The following SLC35F1 variants were observed in gnomAD, a reference collection of about 807,000 sequenced individuals.
SLC35F1 encodes chromosome 6 open reading frame 169.
A neutral mutation model predicts 48.7 loss-of-function variants in SLC35F1; 14 were observed. The observed-to-expected ratio is 0.29, with a 90% CI of 0.19 to 0.45. The LOEUF (loss-of-function observed/expected upper bound fraction) is 0.45. Among genes scored for constraint, SLC35F1 ranks in the 20% least tolerant of loss-of-function variants. SLC35F1 has a pLI of 1.00. For synonymous variants in SLC35F1, 190 were observed against 202.2 expected (o/e 0.94, Z 0.51); for missense variants, 404 against 500.0 (o/e 0.81, Z 1.83).
At chr6:118,211,731 G>T (rs1348744090) in intron 2 of SLC35F1, among the ~76,000 whole-genome samples, 1 of 152,222 alleles carries the variant, frequency 6.6e-6, no homozygotes, top group East Asian at 1.9e-4. Context: ...AGTGATGTGA[G>T]CAGGTCATTA....
chr6:118,070,334 A>G (rs1301954055), intron 1 of SLC35F1, among the ~76,000 whole-genome samples: 1 of 152,102 alleles, frequency 6.6e-6, no homozygotes, highest in Non-Finnish European at 1.5e-5. Flanking sequence ...AGTGAGTTTT[A>G]TTTCCAAGTG....
Position 118,315,105 on chromosome 6 carries a change from C to T in SLC35F1, c.*853C>T, listed in dbSNP as rs1776415910. On this transcript the variant is annotated 3_prime_UTR_variant, in exon 8 of 8. Coordinates refer to ENST00000360388, the MANE Select transcript of SLC35F1 (RefSeq NM_001029858.4). ...CTTTCTGCTCCTCCCTGTAGCCTCTCTTCAAAAACTATCTTTTATTTTTTT... is the reference window on the plus strand; with the variant it reads ...CTTTCTGCTCCTCCCTGTAGCCTCTTTTCAAAAACTATCTTTTATTTTTTT... 1 of 152,608 alleles carries T rather than the reference C, an allele frequency of 6.6e-6. No individual in the cohort carries two copies. The highest frequency in any genetic ancestry group is 1.5e-5 in the Non-Finnish European group (1 of 68,042). The allele number at this position is 152,608 out of a possible 1,614,324, so 9.5% of individuals were successfully genotyped here.
chr6:118,173,653 G>A (rs1372355714), intron 2 of SLC35F1, among the ~76,000 whole-genome samples: 1 of 152,152 alleles, frequency 6.6e-6, no homozygotes. Context: ...ACGAAGGAGA[G>A]TAGTACAGAA....
chr6:117,992,563 A>T (rs1776932805), intron 1 of SLC35F1, among the ~76,000 whole-genome samples: 1 of 152,218 alleles, frequency 6.6e-6, no homozygotes, highest in Admixed American at 6.5e-5. Context: ...GAGAAGCCAA[A>T]TTAGGAAGTT....
intron 7 of SLC35F1, among the ~76,000 whole-genome samples, chr6:118,312,717 T>C (rs1411968337): frequency 6.6e-6 from 1 of 152,194 alleles, no homozygotes; most frequent in Non-Finnish European, 1.5e-5. Context: ...GGATACCTTT[T>C]TTTATGAGCC....
At chr6:117,954,593 C>T (rs1029857234) in intron 1 of SLC35F1, among the ~76,000 whole-genome samples, 6 of 152,184 alleles carry the variant, frequency 3.9e-5, no homozygotes, top group Admixed American at 3.9e-4. Flanking sequence ...TGAGATAATG[C>T]TACTTAATCT....
intron 1 of SLC35F1, among the ~76,000 whole-genome samples, chr6:118,154,002 C>T (rs2114467746): frequency 6.6e-6 from 1 of 152,208 alleles, no homozygotes; most frequent in Non-Finnish European, 1.5e-5. Flanking sequence ...GTACGAGAAC[C>T]TGAGGATGAG....
At position 118,269,247 on chromosome 6, in the gene SLC35F1, C is replaced by T. The variant is rs369408473; in HGVS notation, c.637+2093C>T. Among the ~76,000 whole-genome samples, 12 of 152,106 alleles carry T rather than the reference C, an allele frequency of 7.9e-5. No homozygotes were observed. The East Asian group carries it at 2.1e-3, about 27-fold the overall frequency. ...TTCCAAAGTGTCATTTTTAAAAAAA[C>T]AATGTAGATGTGGCTAAAACATACT... is the stretch of plus-strand genomic sequence containing the variant. On this transcript the variant is annotated intron_variant, in intron 4 of 7. Transcript: ENST00000360388.
intron 1 of SLC35F1, among the ~76,000 whole-genome samples, chr6:118,019,230 T>G (rs1427341939): frequency 6.6e-6 from 1 of 151,836 alleles, no homozygotes. Flanking sequence ...ACAAGACATC[T>G]TTATATCCAC....
chr6:117,916,910 A>G (rs552440674), intron 1 of SLC35F1, among the ~76,000 whole-genome samples: 5 of 152,214 alleles, frequency 3.3e-5, no homozygotes, highest in Non-Finnish European at 7.3e-5. Flanking sequence ...GGCACAATCT[A>G]GCTGTTAGGG....
At chr6:118,075,803 C>T (rs1235673304) in intron 1 of SLC35F1, among the ~76,000 whole-genome samples, 3 of 152,170 alleles carry the variant, frequency 2.0e-5, no homozygotes, top group Admixed American at 6.5e-5. Context: ...TCAAATCTAT[C>T]CATATTTTCC....
At chr6:117,981,468 G>A (rs746991672) in intron 1 of SLC35F1, among the ~76,000 whole-genome samples, 1 of 152,108 alleles carries the variant, frequency 6.6e-6, no homozygotes, top group Non-Finnish European at 1.5e-5. Context: ...GGCTTCCATG[G>A]TGTTGTCACA....
intron 1 of SLC35F1, among the ~76,000 whole-genome samples, chr6:118,030,802 A>G (rs1427211125): frequency 2.0e-5 from 3 of 152,176 alleles, no homozygotes; most frequent in Non-Finnish European, 2.9e-5. Context: ...CTTTCTTCAT[A>G]TATGTAATTT....
intron 1 of SLC35F1, among the ~76,000 whole-genome samples, chr6:117,996,976 G>A (rs1013995700): frequency 3.3e-5 from 5 of 152,142 alleles, no homozygotes; most frequent in African/African-American, 4.8e-5. Flanking sequence ...AAACTACTCC[G>A]AGCTACAGGA....
intron 3 of SLC35F1, among the ~76,000 whole-genome samples, chr6:118,262,637 A>G (rs567555676): frequency 4.6e-5 from 7 of 152,326 alleles, no homozygotes; most frequent in African/African-American, 1.7e-4. Flanking sequence ...CTTTTCTCTT[A>G]GACCATCAGT....
intron 3 of SLC35F1, among the ~76,000 whole-genome samples, chr6:118,263,414 T>C (rs1041045429): frequency 6.6e-6 from 1 of 152,144 alleles, no homozygotes; most frequent in Non-Finnish European, 1.5e-5. Context: ...TGCCTAAGGA[T>C]TCAAGGCATA....
intron 1 of SLC35F1, among the ~76,000 whole-genome samples, chr6:118,062,077 T>G (rs1202967080): frequency 6.6e-6 from 1 of 152,044 alleles, no homozygotes; most frequent in Non-Finnish European, 1.5e-5. Context: ...AAAAAAATGA[T>G]TATAAGTAAA....
intron 1 of SLC35F1, among the ~76,000 whole-genome samples, chr6:118,104,803 T>C (rs930431915): frequency 6.6e-6 from 1 of 152,138 alleles, no homozygotes; most frequent in Non-Finnish European, 1.5e-5. Context: ...ATCTGCTTGT[T>C]CTCATCTCTC....
At chr6:117,933,619 G>C (rs1022034514) in intron 1 of SLC35F1, among the ~76,000 whole-genome samples, 1 of 152,126 alleles carries the variant, frequency 6.6e-6, no homozygotes, top group African/African-American at 2.4e-5. Flanking sequence ...CTCTCTTTCA[G>C]CTTCATGGAA....
Sources: allele counts gnomAD v4.1 joint callset (sites outside exome capture counted in the v4.1 genomes callset), GRCh38; gene constraint gnomAD v4.1.1; transcripts MANE v1.5; gene names NCBI Gene and HGNC (gene_info 2026-07-23, HGNC 2026-07-21).